NFAT5: variants seen among roughly 807,000 people sequenced by gnomAD.
NFAT5 encodes the protein nuclear factor of activated T cells 5.
Under a neutral mutation model 166.5 loss-of-function variants are expected in NFAT5, and 31 were observed. The observed-to-expected ratio is 0.19, with a 90% confidence interval of 0.14 to 0.25. The LOEUF is 0.25. Ranked by LOEUF, NFAT5 falls within the 10% of genes least tolerant of loss-of-function variation. The probability of loss-of-function intolerance (pLI) is 1.00; values close to 1 mark genes in which losing one functional copy is unlikely to be tolerated. For synonymous variants in NFAT5, 612 were observed against 639.7 expected (o/e 0.96, Z 0.65); for missense variants, 1,449 against 1,821.8 (o/e 0.80, Z 3.72).
At chr16:69,639,369 T>TATTA (rs1372355082) in intron 3 of NFAT5, among the ~76,000 whole-genome samples, 1 of 152,160 alleles carries the variant, frequency 6.6e-6, no homozygotes, top group Non-Finnish European at 1.5e-5. Context: ...CTTTAGTAAA[T>TATTA]ATTATATGAG....
rs2016080144 is a variant in NFAT5, at chr16:69,566,818, G to A, written c.73+444G>A. On this transcript the variant is annotated intron_variant, in intron 1 of 14. Coordinates refer to ENST00000349945, the MANE Select transcript of NFAT5 (RefSeq NM_138713.4). This position sits in a 1 kb window ranked among gnomAD's most constrained non-coding sequence, Gnocchi z 5.7. ...CAGCAAAGTTGCCCCCAAGCGGGCG[G>A]CGTGGCCTGGAGCCGGTTCTGAGTG... Among the ~76,000 whole-genome samples the A allele has an allele frequency of 6.6e-6, 1 of 152,168 alleles. No individual in the cohort carries two copies. Among genetic ancestry groups the A allele is most frequent in the Non-Finnish European group, 1.5e-5 (1 of 68,026 alleles).
chr16:69,577,077 A>T (rs1458026803), intron 2 of NFAT5, among the ~76,000 whole-genome samples: 2 of 152,150 alleles, frequency 1.3e-5, no homozygotes, highest in African/African-American at 4.8e-5. Flanking sequence ...AGCCTTTATT[A>T]ATTTACTTTG....
chr16:69,645,663 C>T (rs1190273718), intron 3 of NFAT5, among the ~76,000 whole-genome samples: 1 of 152,140 alleles, frequency 6.6e-6, no homozygotes. Context: ...AATAACTGCA[C>T]ATACAGTTTT....
chr16:69,686,390 G>T (rs1169026588), intron 11 of NFAT5, among the ~76,000 whole-genome samples: 2 of 151,980 alleles, frequency 1.3e-5, no homozygotes, highest in African/African-American at 4.8e-5. Context: ...GGGCATGGTG[G>T]CATGCACTTA....
rs1183712690 is a variant in NFAT5, at chr16:69,659,786, T to C, written c.1256T>C (p.Ile419Thr). 1.2e-6 allele frequency: 2 copies of C among 1,614,060 alleles called. No homozygotes were observed. The highest frequency in any genetic ancestry group is 1.7e-6 in the Non-Finnish European group (2 of 1,179,944). Residue 419 changes from isoleucine to threonine, a missense_variant, in exon 7 of 15, where the codon ATT becomes ACT. Transcript: ENST00000349945. ...RNADVEARIG[I>T]AGSKKKSTRA... ...GCTGATGTCGAAGCCAGAATAGGAA[T>C]TGCTGGTTCCAAGAAGAAAAGCACT... is the stretch of plus-strand genomic sequence containing the variant.
rs1230752419 is a variant in NFAT5, at chr16:69,675,733, G to A, written c.1558-1470G>A. Among the ~76,000 whole-genome samples the A allele has an allele frequency of 2.0e-5, 3 of 152,102 alleles. No homozygotes were observed. In the East Asian group the frequency reaches 5.8e-4, roughly 29 times the overall value. The stretch of plus-strand genomic sequence containing the variant: ...TGGCTCACCTCAACCTCCGCCCCCC[G>A]GGTTCAAGCGATTCTTCTGCCTCAG... On this transcript the variant is annotated intron_variant, in intron 9 of 14. Coordinates refer to ENST00000349945, the MANE Select transcript of NFAT5 (RefSeq NM_138713.4).
chr16:69,671,597 C>A (rs1390058689), intron 9 of NFAT5, among the ~76,000 whole-genome samples: 1 of 152,230 alleles, frequency 6.6e-6, no homozygotes, highest in African/African-American at 2.4e-5. Flanking sequence ...CCTCCATCTC[C>A]TGACCTCATG....
At chr16:69,655,888 C>T (rs1249344134) in intron 6 of NFAT5, 89 bp downstream of exon 6, 13 of 906,520 alleles carry the variant, frequency 1.4e-5, no homozygotes, top group African/African-American at 6.9e-5. Context: ...AGATTTTTTG[C>T]GTATTTTATT....
rs1597584548 is a variant in NFAT5, at chr16:69,698,379, A to T, written c.*2028A>T. Reference sequence around the variant, plus strand: ...ACTGAGTGAGTACATTGGCATAAATATAGAAATTTATATATATACATATAT... The same window carrying T: ...ACTGAGTGAGTACATTGGCATAAATTTAGAAATTTATATATATACATATAT... On this transcript the variant is annotated 3_prime_UTR_variant, in exon 15 of 15. Coordinates refer to ENST00000349945, the MANE Select transcript of NFAT5 (RefSeq NM_138713.4). The T allele has an allele frequency of 6.6e-6, 1 of 152,386 alleles. No individual in the cohort carries two copies. The highest frequency in any genetic ancestry group is 1.5e-5 in the Non-Finnish European group (1 of 68,008). The allele number at this position is 152,386 out of a possible 1,614,324, so 9.4% of individuals were successfully genotyped here. A position where few individuals can be genotyped will look rare whatever the true frequency, so the allele number is the denominator to read the frequency against.
chr16:69,633,566 A>C (rs2034812478), intron 3 of NFAT5, among the ~76,000 whole-genome samples: 2 of 152,358 alleles, frequency 1.3e-5, no homozygotes, highest in South Asian at 4.1e-4. Context: ...TAAGTGAAAT[A>C]AGCCAGGAAC....
At chr16:69,617,910 A>G (rs7499468) in intron 2 of NFAT5, among the ~76,000 whole-genome samples, 4 of 152,154 alleles carry the variant, frequency 2.6e-5, no homozygotes, top group Admixed American at 2.0e-4. Context: ...TAATCCCAGC[A>G]CTTTGGGAGG....
At position 69,692,341 on chromosome 16, in the gene NFAT5, A is replaced by G. The variant is rs753120328; in HGVS notation, c.2516A>G (p.Asn839Ser). The G allele has an allele frequency of 6.2e-6, 10 of 1,614,074 alleles. No homozygotes were observed. The highest frequency in any genetic ancestry group is 8.5e-6 in the Non-Finnish European group (10 of 1,180,050). ...VLFSAPDGNE[N>S]VQEQLSADIF... ...TTTTCTGCTCCAGATGGTAATGAGA[A>G]TGTTCAAGAGCAGCTTAGTGCAGAT... is the stretch of plus-strand genomic sequence containing the variant. Residue 839 changes from asparagine (N) to serine (S), a missense_variant, in exon 13 of 15, where the codon AAT becomes AGT. Asn to Ser is a conservative substitution (Grantham distance 46). This residue lies in a region of NFAT5 where 891 missense variants were observed against 993.0 expected (regional missense o/e 0.90). Coordinates refer to ENST00000349945, the MANE Select transcript of NFAT5 (RefSeq NM_138713.4).
chr16:69,665,067 CAGTT>C (rs1410256267), intron 7 of NFAT5, among the ~76,000 whole-genome samples: 1 of 152,142 alleles, frequency 6.6e-6, no homozygotes, highest in Non-Finnish European at 1.5e-5. Flanking sequence ...AAAAATAAAA[CAGTT>C]AATGCTTAAG....
chr16:69,573,041 C>T lies in NFAT5; in HGVS notation c.127+4493C>T, dbSNP rs1427801358. ...TATTTTTAGTAGAGACAGGGTTTCA[C>T]CATGTTGGCCAGGGTGGCCTCGATC... On this transcript the variant is annotated intron_variant, in intron 2 of 14. Coordinates refer to ENST00000349945, the MANE Select transcript of NFAT5 (RefSeq NM_138713.4). Among the ~76,000 whole-genome samples, 7 of 152,134 alleles carry T rather than the reference C, an allele frequency of 4.6e-5. No homozygotes were observed. In the South Asian group the frequency reaches 1.0e-3, roughly 22 times the overall value.
At chr16:69,661,676 G>A in intron 7 of NFAT5, among the ~76,000 whole-genome samples, 1 of 150,808 alleles carries the variant, frequency 6.6e-6, no homozygotes, top group Non-Finnish European at 1.5e-5. Context: ...TAAATTAAAT[G>A]CAGTTGTTCT....
intron 7 of NFAT5, among the ~76,000 whole-genome samples, chr16:69,666,687 G>A (rs1250442762): frequency 2.0e-5 from 3 of 151,892 alleles, no homozygotes; most frequent in Non-Finnish European, 2.9e-5. Context: ...TGCTGGAGAG[G>A]ATGTGGAGAA....
At chr16:69,584,127 G>T (rs2031881415) in intron 2 of NFAT5, among the ~76,000 whole-genome samples, 1 of 152,102 alleles carries the variant, frequency 6.6e-6, no homozygotes, top group South Asian at 2.1e-4. Flanking sequence ...TCGGGAGGTT[G>T]AGGCAGGGGA....
intron 10 of NFAT5, 144 bp from the exon 11 acceptor site, chr16:69,684,743 A>G (rs528695327): frequency 8.6e-5 from 50 of 582,932 alleles, no homozygotes; most frequent in African/African-American, 7.6e-4. Flanking sequence ...AATTTAGAGG[A>G]TAGAAATTTA....
Position 69,655,785 on chromosome 16 carries a change from C to T in NFAT5, c.1182C>T (p.Asn394=). 3 of 1,612,246 alleles carry T rather than the reference C, an allele frequency of 1.9e-6. No homozygotes were observed. The highest frequency in any genetic ancestry group is 2.5e-6 in the Non-Finnish European group (3 of 1,178,868). Residue 394 remains asparagine (N), a synonymous_variant, in exon 6 of 15, where the codon AAC becomes AAT. Transcript: ENST00000349945. Reference sequence around the variant, plus strand: ...TAGAAGTCGGCCTTGATCCTAGCAACAACATGACACTGGCGTAAGTACTTA... The same window carrying T: ...TAGAAGTCGGCCTTGATCCTAGCAATAACATGACACTGGCGTAAGTACTTA... ...TVIEVGLDPS[N]NMTLAVDCVG...
Sources: allele counts gnomAD v4.1 joint callset (sites outside exome capture counted in the v4.1 genomes callset), GRCh38; gene constraint gnomAD v4.1.1; regional missense constraint gnomAD v4.1.1; non-coding constraint Gnocchi (gnomAD v3.1); transcripts MANE v1.5; gene names NCBI Gene and HGNC (gene_info 2026-07-23, HGNC 2026-07-21).